The following MTMR2 variants were observed in gnomAD, a reference collection of about 807,000 sequenced individuals.
MTMR2 encodes phosphatidylinositol-3,5-bisphosphate 3-phosphatase MTMR2.
Under a neutral mutation model 86.9 loss-of-function variants are expected in MTMR2, and 55 were observed. The observed-to-expected ratio is 0.63, with a 90% CI of 0.51 to 0.79. The LOEUF (loss-of-function observed/expected upper bound fraction) is 0.79, where lower values mean the gene tolerates loss of function less well. Among genes scored for constraint, MTMR2 ranks in the 30% least tolerant of loss-of-function variants. The pLI is 0.00. For missense variants in MTMR2, 659 were observed against 772.3 expected, an observed-to-expected ratio of 0.85 and a Z score of 1.74; for synonymous variants, 241 against 266.8, an observed-to-expected ratio of 0.90 and a Z score of 0.94.
chr11:95,837,748 T>C (rs1320793920), intron 13 of MTMR2, among the ~76,000 whole-genome samples: 5 of 152,084 alleles, frequency 3.3e-5, no homozygotes, highest in African/African-American at 1.2e-4. Flanking sequence ...ATACATTTTC[T>C]GCTAATTAAA....
At chr11:95,842,542 T>C (rs1350259943) in intron 11 of MTMR2, among the ~76,000 whole-genome samples, 3 of 152,208 alleles carry the variant, frequency 2.0e-5, no homozygotes, top group Non-Finnish European at 4.4e-5. Context: ...AGTTTCTCAG[T>C]TATTTCCTCT....
intron 10 of MTMR2, among the ~76,000 whole-genome samples, chr11:95,845,881 T>TTAAAAAAAAAAAAAAAAAAAAAAAAAAA: frequency 9.8e-6 from 1 of 101,864 alleles, no homozygotes; most frequent in Non-Finnish European, 1.8e-5. Flanking sequence ...GTATGGTATC[T>TTAAAAAAAAAAAAAAAAAAAAAAAAAAA]TAAAAAAAAA....
intron 1 of MTMR2, among the ~76,000 whole-genome samples, chr11:95,907,358 T>G (rs1398590951): frequency 2.6e-5 from 4 of 151,654 alleles, no homozygotes; most frequent in Non-Finnish European, 5.9e-5. Flanking sequence ...GTTCCAAAAT[T>G]GAATCAATAA....
At chr11:95,875,326 C>T (rs1865065450) in intron 2 of MTMR2, among the ~76,000 whole-genome samples, 1 of 152,178 alleles carries the variant, frequency 6.6e-6, no homozygotes, top group Non-Finnish European at 1.5e-5. Context: ...AACTTCTCTT[C>T]TCGCTTCATT....
chr11:95,844,246 C>T (rs117518685), intron 11 of MTMR2, among the ~76,000 whole-genome samples: 9 of 152,180 alleles, frequency 5.9e-5, no homozygotes, highest in Middle Eastern at 3.4e-3. Flanking sequence ...GTGTAGAGAA[C>T]GGCAAAATGT....
intron 2 of MTMR2, among the ~76,000 whole-genome samples, chr11:95,870,731 C>CTTTTTTTTT (rs1158293839): frequency 3.5e-4 from 45 of 129,934 alleles, no homozygotes; most frequent in African/African-American, 1.2e-3. Flanking sequence ...TTCTTTTTTT[C>CTTTTTTTTT]TTTTTCTTTT....
intron 7 of MTMR2, among the ~76,000 whole-genome samples, 172 bp from the exon 8 acceptor site, chr11:95,850,921 T>C (rs1252626215): frequency 6.6e-6 from 1 of 152,226 alleles, no homozygotes; most frequent in African/African-American, 2.4e-5. Context: ...GATATTCTAA[T>C]GTAGGGATAC....
At chr11:95,882,831 T>G (rs969228530) in intron 2 of MTMR2, among the ~76,000 whole-genome samples, 1 of 149,310 alleles carries the variant, frequency 6.7e-6, no homozygotes, top group Non-Finnish European at 1.5e-5. Context: ...CACGCCATTT[T>G]CCTGCCTCAG....
chr11:95,898,381 C>G (rs1006000248), intron 1 of MTMR2, among the ~76,000 whole-genome samples: 4 of 151,928 alleles, frequency 2.6e-5, no homozygotes, highest in Non-Finnish European at 2.9e-5. Flanking sequence ...TTTTTAGTGC[C>G]TACAATATGT....
chr11:95,854,667 T>C (rs760615739), intron 7 of MTMR2, among the ~76,000 whole-genome samples: 1 of 152,066 alleles, frequency 6.6e-6, no homozygotes, highest in African/African-American at 2.4e-5. Context: ...GGTTTCACTA[T>C]GTTGCCCAGG....
At chr11:95,872,560 C>G (rs1864932367) in intron 2 of MTMR2, among the ~76,000 whole-genome samples, 1 of 152,182 alleles carries the variant, frequency 6.6e-6, no homozygotes, top group Admixed American at 6.5e-5. Context: ...CATCTGCAAA[C>G]AGGGACAATT....
At chr11:95,897,928 G>A (rs537979895) in intron 1 of MTMR2, among the ~76,000 whole-genome samples, 8 of 152,122 alleles carry the variant, frequency 5.3e-5, no homozygotes, top group South Asian at 2.1e-4. Flanking sequence ...TTGTGACCTC[G>A]GCACACTAGA....
Position 95,834,946 on chromosome 11 carries a change from T to G in MTMR2, c.*344A>C. On this transcript the variant is annotated 3_prime_UTR_variant, in exon 15 of 15. Coordinates refer to ENST00000346299, the MANE Select transcript of MTMR2 (RefSeq NM_016156.6). ...GTTCCTCTGCACAGTGAGCACAGAG[T>G]GTATTTCTAAAATGGTTTTAATATT... is the stretch of plus-strand genomic sequence containing the variant. 1 of 330,268 alleles carries G rather than the reference T, an allele frequency of 3.0e-6. No homozygotes were observed. Among genetic ancestry groups the G allele is most frequent in the South Asian group, 2.8e-5 (1 of 35,416 alleles). The allele number at this position is 330,268 out of a possible 1,614,324, so 20.5% of individuals were successfully genotyped here. A position where few individuals can be genotyped will look rare whatever the true frequency, so the allele number is the denominator to read the frequency against.
chr11:95,893,532 C>T (rs188403141), intron 1 of MTMR2, among the ~76,000 whole-genome samples: 1 of 152,188 alleles, frequency 6.6e-6, no homozygotes, highest in Admixed American at 6.5e-5. Context: ...TATCCGTATC[C>T]ATTAGCCACG....
At chr11:95,840,064 G>T (rs1360022408) in intron 12 of MTMR2, 1 of 152,136 alleles carries the variant, frequency 6.6e-6, no homozygotes, top group Non-Finnish European at 1.5e-5. Flanking sequence ...AACAAGGCCC[G>T]ACCCTGCTTA....
intron 1 of MTMR2, among the ~76,000 whole-genome samples, chr11:95,890,543 G>A (rs1291752235): frequency 2.6e-5 from 4 of 152,224 alleles, no homozygotes; most frequent in African/African-American, 9.6e-5. Context: ...CAATAAAGGG[G>A]AGCAGAAACA....
Position 95,849,753 on chromosome 11 carries a change from G to A in MTMR2, c.914C>T (p.Ala305Val). ...RSKEDEKYLQ[A>V]IMDSNAQSHK... ...AGACTGGGCATTGGAATCCATGATA[G>A]CTTGAAGGTATTTTTCATCTTCTTT... The change falls in exon 9 of 15, where the codon GCT (alanine) becomes GTT (valine). Residue 305 changes from alanine (A) to valine (V), a missense_variant. By Grantham distance (64) the Ala-to-Val change is moderately conservative (BLOSUM62 0). Around this residue, in one of 3 missense-constraint regions of MTMR2, gnomAD observed 387 missense variants for 526.3 expected, o/e 0.74. Transcript: ENST00000346299. 1 of 1,614,044 alleles carries A rather than the reference G, an allele frequency of 6.2e-7. No homozygotes were observed. Among genetic ancestry groups the A allele is most frequent in the Non-Finnish European group, 8.5e-7 (1 of 1,179,924 alleles).
chr11:95,914,160 T>A, intron 1 of MTMR2: 3 of 974,920 alleles, frequency 3.1e-6, no homozygotes, highest in South Asian at 4.7e-5. Flanking sequence ...AAATTTCATT[T>A]GGGATAATAT....
intron 1 of MTMR2, among the ~76,000 whole-genome samples, chr11:95,917,554 C>T (rs1441367085): frequency 6.6e-6 from 1 of 152,118 alleles, no homozygotes; most frequent in Non-Finnish European, 1.5e-5. Context: ...AATTTTGACT[C>T]CCCAAACTAC....
Sources: allele counts gnomAD v4.1 joint callset (sites outside exome capture counted in the v4.1 genomes callset), GRCh38; gene constraint gnomAD v4.1.1; regional missense constraint gnomAD v4.1.1; transcripts MANE v1.5; gene names NCBI Gene and HGNC (gene_info 2026-07-23, HGNC 2026-07-21).